Variants in OSBPL3 observed in about 807,000 individuals in gnomAD.
The protein encoded by OSBPL3 is oxysterol-binding protein-related protein 3.
Under a neutral mutation model 120.1 loss-of-function variants are expected in OSBPL3, and 65 were observed. That is an observed-to-expected ratio of 0.54 (90% CI 0.44 to 0.67). The LOEUF (loss-of-function observed/expected upper bound fraction) is 0.67. OSBPL3 is among the 30% of genes least tolerant of loss of function. OSBPL3 has a pLI of 0.00. For synonymous variants in OSBPL3, 416 were observed against 402.6 expected (o/e 1.03, Z -0.40); for missense variants, 1,004 against 1,082.1 (o/e 0.93, Z 1.01).
At chr7:24,948,462 G>A (rs1814005630) in intron 1 of OSBPL3, among the ~76,000 whole-genome samples, 1 of 152,070 alleles carries the variant, frequency 6.6e-6, no homozygotes, top group African/African-American at 2.4e-5. Context: ...ATGGTACTGA[G>A]TCACTGAAAA....
intron 1 of OSBPL3, among the ~76,000 whole-genome samples, chr7:24,926,756 C>T (rs1265987299): frequency 1.3e-5 from 2 of 152,208 alleles, no homozygotes; most frequent in African/African-American, 4.8e-5. Context: ...AACACTATTA[C>T]AATAAAGATA....
rs1360680189 is a variant in OSBPL3, at chr7:24,968,490, G to A, written c.-150+11396C>T. On this transcript the variant is annotated intron_variant, in intron 1 of 22. Coordinates refer to ENST00000313367, the MANE Select transcript of OSBPL3 (RefSeq NM_015550.4). The surrounding 1 kb of genome is among the most constrained non-coding windows in gnomAD (Gnocchi z 4.6). ...TGGCTCACTGCAGCCACTGCCTCCC[G>A]GGTTCCAGCGATTCTCCTGCCTCCA... 1.3e-5 allele frequency among the ~76,000 whole-genome samples: 2 copies of A among 152,126 alleles called. No individual in the cohort carries two copies. The highest frequency in any genetic ancestry group is 1.9e-4 in the East Asian group (1 of 5,192).
intron 16 of OSBPL3, among the ~76,000 whole-genome samples, chr7:24,826,724 AT>A (rs1170922750): frequency 1.3e-5 from 2 of 152,140 alleles, no homozygotes; most frequent in Non-Finnish European, 2.9e-5. Flanking sequence ...CACTCTACAA[AT>A]CTAATACTTG....
intron 1 of OSBPL3, among the ~76,000 whole-genome samples, chr7:24,970,624 TA>T: frequency 6.8e-6 from 1 of 147,422 alleles, no homozygotes; most frequent in African/African-American, 2.6e-5. Flanking sequence ...AGGAGTGCTA[TA>T]AACATATATA....
chr7:24,974,476 C>T (rs749220554), intron 1 of OSBPL3, among the ~76,000 whole-genome samples: 2 of 152,202 alleles, frequency 1.3e-5, no homozygotes, highest in Non-Finnish European at 2.9e-5. Flanking sequence ...ATGTTTATTA[C>T]GCATCTATCT....
intron 1 of OSBPL3, among the ~76,000 whole-genome samples, chr7:24,931,952 C>T (rs1315223607): frequency 1.3e-5 from 2 of 152,180 alleles, no homozygotes; most frequent in African/African-American, 4.8e-5. Context: ...GGGCTCTCAT[C>T]CTCACTCTCC....
intron 1 of OSBPL3, among the ~76,000 whole-genome samples, chr7:24,914,690 A>G (rs1052239026): frequency 2.0e-5 from 3 of 152,194 alleles, no homozygotes; most frequent in African/African-American, 7.2e-5. Context: ...GTGAAGTCAC[A>G]TCTGGGCAAT....
In OSBPL3 at chr7:24,834,150, T is replaced by G. The variant is rs900324609; in HGVS notation, c.1746+336A>C. The G allele has an allele frequency of 5.8e-6, 6 of 1,029,394 alleles. No homozygotes were observed. In the African/African-American group the frequency reaches 8.6e-5, roughly 15 times the overall value. The allele number at this position is 1,029,394 out of a possible 1,614,324, so 63.8% of individuals were successfully genotyped here. A position where few individuals can be genotyped will look rare whatever the true frequency, so the allele number is the denominator to read the frequency against. ...CCACCCAGGGAAGTAAAAATAAACATGCAGACAGCCCTAAAGACATGTTTT... is the reference window on the plus strand; with the variant it reads ...CCACCCAGGGAAGTAAAAATAAACAGGCAGACAGCCCTAAAGACATGTTTT... On this transcript the variant is annotated intron_variant, in intron 15 of 22. Transcript: ENST00000313367. This position sits in a 1 kb window ranked among gnomAD's most constrained non-coding sequence, Gnocchi z 5.2.
chr7:24,832,449 G>T lies in OSBPL3; in HGVS notation c.1747-1544C>A, dbSNP rs559329418. On this transcript the variant is annotated intron_variant, in intron 15 of 22. Transcript: ENST00000313367. ...CACTTGAATCTGGGAGGTGGAGGTT[G>T]CAGTGAGCCGAGATTGTGCCACTGC... 6.1e-5 allele frequency among the ~76,000 whole-genome samples: 9 copies of T among 148,756 alleles called. No homozygotes were observed. The South Asian group carries it at 1.1e-3, about 18-fold the overall frequency.
rs1798872284 is a variant in OSBPL3 at position 24,849,450 on chromosome 7, G to C, written c.1159-274C>G. ...GAGGGTTGGTAAGTGCAACAGAGAG[G>C]GAAGTCACAGACACTGTCGGCTTCT... On this transcript the variant is annotated intron_variant, in intron 11 of 22. Transcript: ENST00000313367. This position sits in a 1 kb window ranked among gnomAD's most constrained non-coding sequence, Gnocchi z 5.4. 4.2e-6 allele frequency: 1 copy of C among 240,138 alleles called. No individual in the cohort carries two copies. Among genetic ancestry groups the C allele is most frequent in the Admixed American group, 5.2e-5 (1 of 19,234 alleles). The allele number at this position is 240,138 out of a possible 1,614,324, so 14.9% of individuals were successfully genotyped here.
At position 24,899,022 on chromosome 7, in the gene OSBPL3, A is replaced by C. The variant is rs1271255112; in HGVS notation, c.-149-6401T>G. Among the ~76,000 whole-genome samples the C allele has an allele frequency of 6.6e-6, 1 of 152,104 alleles. No individual in the cohort carries two copies. Among genetic ancestry groups the C allele is most frequent in the East Asian group, 1.9e-4 (1 of 5,198 alleles). On this transcript the variant is annotated intron_variant, in intron 1 of 22. Coordinates refer to ENST00000313367, the MANE Select transcript of OSBPL3 (RefSeq NM_015550.4). The surrounding 1 kb of genome is among the most constrained non-coding windows in gnomAD (Gnocchi z 4.0). Reference sequence around the variant, plus strand: ...TAGAACAAGACAGAACTTTTTTTTAACCATAACCTGCACTGAAACCACCAC... The same window carrying C: ...TAGAACAAGACAGAACTTTTTTTTACCCATAACCTGCACTGAAACCACCAC...
At chr7:24,864,076 T>C (rs1370227911) in intron 7 of OSBPL3, among the ~76,000 whole-genome samples, 1 of 152,156 alleles carries the variant, frequency 6.6e-6, no homozygotes, top group Non-Finnish European at 1.5e-5. Flanking sequence ...TGCACATTAA[T>C]AAAACTAAAA....
intron 14 of OSBPL3, among the ~76,000 whole-genome samples, chr7:24,837,859 A>G (rs1287026537): frequency 1.3e-5 from 2 of 152,166 alleles, no homozygotes; most frequent in African/African-American, 4.8e-5. Context: ...CTGTATTCTT[A>G]AACACTTAAC....
intron 1 of OSBPL3, among the ~76,000 whole-genome samples, chr7:24,903,232 C>G (rs182090355): frequency 2.6e-5 from 4 of 152,182 alleles, no homozygotes; most frequent in Non-Finnish European, 5.9e-5. Flanking sequence ...GTTCCTATGG[C>G]CACAGACATC....
At chr7:24,897,093 G>T (rs1235054340) in intron 1 of OSBPL3, among the ~76,000 whole-genome samples, 2 of 151,584 alleles carry the variant, frequency 1.3e-5, no homozygotes, top group African/African-American at 4.9e-5. Flanking sequence ...AGGGAGGGAG[G>T]GAGGAAGGAA....
intron 1 of OSBPL3, among the ~76,000 whole-genome samples, chr7:24,897,891 G>C (rs1291421383): frequency 6.6e-6 from 1 of 152,100 alleles, no homozygotes; most frequent in Non-Finnish European, 1.5e-5. Context: ...TCAGACACTT[G>C]GCCATGTTTT....
rs563801057 is a variant in OSBPL3 at position 24,806,180 on chromosome 7, C to G, written c.2444+596G>C. Among the ~76,000 whole-genome samples, 1 of 152,368 alleles carries G rather than the reference C, an allele frequency of 6.6e-6. No homozygotes were observed. The highest frequency in any genetic ancestry group is 2.1e-4 in the South Asian group (1 of 4,830). On this transcript the variant is annotated intron_variant, in intron 21 of 22. Transcript: ENST00000313367. The surrounding 1 kb of genome is among the most constrained non-coding windows in gnomAD (Gnocchi z 5.2). Reference sequence around the variant, plus strand: ...CCATATTGGCCAGGCTGGTCTTGAACTCCTGACTTCAAGTGATCCGCCCGC... The same window carrying G: ...CCATATTGGCCAGGCTGGTCTTGAAGTCCTGACTTCAAGTGATCCGCCCGC...
At position 24,972,403 on chromosome 7, in the gene OSBPL3, C is replaced by A. The variant is rs934588107; in HGVS notation, c.-150+7483G>T. 6.6e-6 allele frequency among the ~76,000 whole-genome samples: 1 copy of A among 152,194 alleles called. No individual in the cohort carries two copies. Among genetic ancestry groups the A allele is most frequent in the East Asian group, 1.9e-4 (1 of 5,204 alleles). On this transcript the variant is annotated intron_variant, in intron 1 of 22. Coordinates refer to ENST00000313367, the MANE Select transcript of OSBPL3 (RefSeq NM_015550.4). The surrounding 1 kb of genome is among the most constrained non-coding windows in gnomAD (Gnocchi z 4.3). ...AATCACAACCTACAGAAAAATGGAA[C>A]CTTTCTCTCCAGGGTCCCAATTAAA...
At chr7:24,828,606 G>GAGAAAAAAAAA (rs1795977969) in intron 16 of OSBPL3, among the ~76,000 whole-genome samples, 1 of 32,522 alleles carries the variant, frequency 3.1e-5, no homozygotes, top group Non-Finnish European at 5.3e-5. Context: ...GACTCTGTCT[G>GAGAAAAAAAAA]AAAAAAAAAA....
Sources: allele counts gnomAD v4.1 joint callset (sites outside exome capture counted in the v4.1 genomes callset), GRCh38; gene constraint gnomAD v4.1.1; non-coding constraint Gnocchi (gnomAD v3.1); transcripts MANE v1.5; gene names NCBI Gene and HGNC (gene_info 2026-07-23, HGNC 2026-07-21).